USP53: variants seen among roughly 807,000 people sequenced by gnomAD.
USP53 encodes the protein ubiquitin specific peptidase 53, also known as ubiquitin carboxyl-terminal hydrolase 53.
USP53 carries 71 observed loss-of-function variants against 94.9 expected under a neutral mutation model. The observed-to-expected ratio is 0.75, with a 90% confidence interval of 0.62 to 0.91. The LOEUF is 0.91. Ranked by LOEUF, USP53 falls within the 40% of genes least tolerant of loss-of-function variation. USP53 has a pLI of 0.00. For synonymous variants in USP53, 375 were observed against 422.7 expected (o/e 0.89, Z 1.39); for missense variants, 1,173 against 1,281.0 (o/e 0.92, Z 1.29).
At chr4:119,228,953 G>T (rs530989336) in intron 3 of USP53, among the ~76,000 whole-genome samples, 3 of 152,214 alleles carry the variant, frequency 2.0e-5, no homozygotes, top group African/African-American at 7.2e-5. Context: ...TGTGTAAGTA[G>T]ATTTAGATGA....
intron 11 of USP53, among the ~76,000 whole-genome samples, 190 bp downstream of exon 11, chr4:119,260,843 A>G (rs896953288): frequency 1.3e-5 from 2 of 152,058 alleles, no homozygotes; most frequent in Admixed American, 6.6e-5. Context: ...TCACTCTAAA[A>G]TCATGATGAT....
intron 3 of USP53, among the ~76,000 whole-genome samples, chr4:119,224,414 A>G (rs951025108): frequency 6.6e-6 from 1 of 152,258 alleles, no homozygotes; most frequent in African/African-American, 2.4e-5. Context: ...ACTGTATACT[A>G]GCCAAAAGAA....
In USP53 at chr4:119,214,114, A is replaced by G. The variant is rs1478063075; in HGVS notation, c.-897A>G. 1 of 138,918 alleles carries G rather than the reference A, an allele frequency of 7.2e-6. No homozygotes were observed. The highest frequency in any genetic ancestry group is 1.5e-5 in the Non-Finnish European group (1 of 66,002). The allele number at this position is 138,918 out of a possible 1,614,324, so 8.6% of individuals were successfully genotyped here. A position where few individuals can be genotyped will look rare whatever the true frequency, so the allele number is the denominator to read the frequency against. On this transcript the variant is annotated 5_prime_UTR_variant, in exon 2 of 19. Transcript: ENST00000692078. Reference sequence around the variant, plus strand: ...GCAAAGACCCTTCGTCCTGTTAAAGATAAATTAAAAAAAAAAAAAAAAAAC... The same window carrying G: ...GCAAAGACCCTTCGTCCTGTTAAAGGTAAATTAAAAAAAAAAAAAAAAAAC...
chr4:119,267,221 AT>A, intron 12 of USP53, 98 bp from the exon 13 acceptor site: 1 of 1,212,260 alleles, frequency 8.2e-7, no homozygotes, highest in Non-Finnish European at 1.1e-6. Context: ...GCATATCTAA[AT>A]TTTTTAAAAA....
At chr4:119,245,280 G>T in intron 5 of USP53, 57 bp from the exon 6 acceptor site, 1 of 1,534,322 alleles carries the variant, frequency 6.5e-7, no homozygotes, top group East Asian at 2.3e-5. Context: ...TCTGTCTTTT[G>T]TTACAGTAAG....
chr4:119,221,242 T>C (rs890938596), intron 3 of USP53: 25 of 152,094 alleles, frequency 1.6e-4, no homozygotes, highest in Admixed American at 6.6e-5. Flanking sequence ...TTAGGCCCAT[T>C]TAGAAAATCA....
At chr4:119,268,120 T>C (rs1384233912) in intron 13 of USP53, 148 bp from the exon 14 acceptor site, 1 of 662,508 alleles carries the variant, frequency 1.5e-6, no homozygotes, top group Non-Finnish European at 2.3e-6. Context: ...TGAGCCGAGA[T>C]TGCGCCACTG....
intron 3 of USP53, among the ~76,000 whole-genome samples, chr4:119,221,740 G>T (rs966514179): frequency 2.0e-5 from 3 of 152,140 alleles, no homozygotes; most frequent in African/African-American, 7.2e-5. Flanking sequence ...CTTTGTCTTC[G>T]ATTTTCTGGC....
In USP53 at chr4:119,291,178, A is replaced by T; in HGVS notation, c.2265A>T (p.Glu755Asp). 1 of 1,579,364 alleles carries T rather than the reference A, an allele frequency of 6.3e-7. No individual in the cohort carries two copies. The highest frequency in any genetic ancestry group is 1.4e-5 in the African/African-American group (1 of 73,240). Reference protein sequence around the residue: ...SQHHLEGFRKELRNLEAGYKS... With the variant: ...SQHHLEGFRKDLRNLEAGYKS... ...ACCCAACCCTAGGCTTTAGAAAAGA[A>T]CTCAGGAATTTGGAAGCAGGCTATA... is the stretch of plus-strand genomic sequence containing the variant. The change falls in exon 18 of 19, where the codon GAA (glutamate) becomes GAT (aspartate). Residue 755 changes from glutamate to aspartate, a missense_variant. Transcript: ENST00000692078.
Position 119,259,851 on chromosome 4 carries a change from G to T in USP53, c.601G>T (p.Glu201Ter). 1 of 1,612,198 alleles carries T rather than the reference G, an allele frequency of 6.2e-7. No individual in the cohort carries two copies. Among genetic ancestry groups the T allele is most frequent in the South Asian group, 1.1e-5 (1 of 90,836 alleles). Residue 201 changes from glutamate to a stop codon, truncating the protein, a stop_gained, in exon 10 of 19, where the codon GAA (glutamate) becomes TAA (stop). Transcript: ENST00000692078. LOFTEE classifies it high-confidence loss of function. ...NEVERMLERH[E>*]RFKPEMFAEL... ...GGTTGAAAGAATGTTGGAAAGGCAT[G>T]AACGCTTTAAACCTGAAATGTTTGC... is the stretch of plus-strand genomic sequence containing the variant.
intron 9 of USP53, among the ~76,000 whole-genome samples, chr4:119,257,689 GAAT>G (rs1031441796): frequency 6.6e-6 from 1 of 152,010 alleles, no homozygotes; most frequent in Non-Finnish European, 1.5e-5. Context: ...AAAGATTATT[GAAT>G]AATAACAATT....
chr4:119,268,567 C>T, intron 14 of USP53, 147 bp downstream of exon 14: 2 of 805,046 alleles, frequency 2.5e-6, no homozygotes, highest in Non-Finnish European at 3.7e-6. Context: ...TTATGCATTT[C>T]TCTGAGAGCT....
intron 3 of USP53, chr4:119,220,552 T>A (rs1333867603): frequency 1.3e-5 from 2 of 152,218 alleles, no homozygotes; most frequent in Non-Finnish European, 2.9e-5. Flanking sequence ...TAACAAGCCA[T>A]AAGTGAACTT....
intron 17 of USP53, among the ~76,000 whole-genome samples, chr4:119,274,418 G>A (rs1394219723): frequency 1.3e-5 from 2 of 151,890 alleles, no homozygotes; most frequent in Non-Finnish European, 2.9e-5. Context: ...CCCTACAAAG[G>A]ACACGAACTC....
In USP53 at chr4:119,271,577, TG is replaced by T. The variant is rs1751871598; in HGVS notation, c.1718del (p.Cys573LeufsTer15). On this transcript the variant is annotated frameshift_variant, in exon 16 of 19. Transcript: ENST00000692078. LOFTEE classifies it high-confidence loss of function. ...AGATTCTAGGGATAGAGGAAACAGCTGTGATAGCAGCAGTAAAAGCCGGAAC... is the reference window on the plus strand; with the variant it reads ...AGATTCTAGGGATAGAGGAAACAGCTTGATAGCAGCAGTAAAAGCCGGAAC... Reference protein sequence around the residue: ...SQDSRDRGNSCDSSSKSRNRG... With the variant: ...SQDSRDRGNSXDSSSKSRNRG... 1 of 1,613,558 alleles carries T rather than the reference TG, an allele frequency of 6.2e-7. No homozygotes were observed. The highest frequency in any genetic ancestry group is 1.1e-5 in the South Asian group (1 of 91,074).
chr4:119,289,081 G>C (rs559386256), intron 17 of USP53, among the ~76,000 whole-genome samples: 1 of 152,236 alleles, frequency 6.6e-6, no homozygotes, highest in East Asian at 1.9e-4. Flanking sequence ...TAAGTATTGG[G>C]AAGTTGCAAA....
At chr4:119,244,349 A>G (rs541182881) in intron 5 of USP53, among the ~76,000 whole-genome samples, 33 of 152,332 alleles carry the variant, frequency 2.2e-4, no homozygotes, top group African/African-American at 7.9e-4. Flanking sequence ...TTGAAAATAT[A>G]GGAAATATTA....
intron 9 of USP53, among the ~76,000 whole-genome samples, chr4:119,257,988 G>T (rs1193046088): frequency 6.6e-6 from 1 of 152,188 alleles, no homozygotes; most frequent in African/African-American, 2.4e-5. Context: ...ACTGCAAGTT[G>T]CAGGAGTGCA....
At chr4:119,217,510 AT>A (rs1433690838) in intron 2 of USP53, 39 bp from the exon 3 acceptor site, 1 of 152,180 alleles carries the variant, frequency 6.6e-6, no homozygotes, top group Non-Finnish European at 1.5e-5. Context: ...TTTAATAAAT[AT>A]TTGATGAAAA....
Sources: gnomAD v4.1 joint callset for allele counts (sites outside exome capture counted in the v4.1 genomes callset) on GRCh38, gnomAD v4.1.1 for gene constraint, MANE v1.5 for transcripts, NCBI Gene and HGNC (gene_info 2026-07-23, HGNC 2026-07-21) for gene names.